KCNN4: variants seen among roughly 807,000 people sequenced by gnomAD.
KCNN4 encodes the protein intermediate conductance calcium-activated potassium channel protein 4.
KCNN4 carries 31 observed loss-of-function variants against 45.2 expected under a neutral mutation model. The ratio of observed to expected loss-of-function variants is 0.69; its 90% CI spans 0.52 to 0.92. The LOEUF is 0.92. Among genes scored for constraint, KCNN4 ranks in the 40% least tolerant of loss-of-function variants. The pLI is 0.00. For missense variants in KCNN4, 463 were observed against 574.0 expected (o/e 0.81, Z 1.98); for synonymous variants, 231 against 254.6 (o/e 0.91, Z 0.88).
rs201564397 is a variant in KCNN4 at position 43,774,467 on chromosome 19, G to A, written c.408C>T (p.Thr136=). The change falls in exon 3 of 9, where the codon ACC becomes ACT. Residue 136 remains threonine, a synonymous_variant. Coordinates refer to ENST00000648319, the MANE Select transcript of KCNN4 (RefSeq NM_002250.3). The surrounding 1 kb of genome is among the most constrained non-coding windows in gnomAD (Gnocchi z 5.6). ...GGAATCCCGGCCAGGGCTGCGGGGA[G>A]GTCAGCGGCGCCCCTAAATCCTGCA... ...PCVQDLGAPL[T]SPQPWPGFLG... 32 of 1,594,704 alleles carry A rather than the reference G, an allele frequency of 2.0e-5. No homozygotes were observed. In the African/African-American group the frequency reaches 3.2e-4, roughly 16 times the overall value.
chr19:43,777,322 TGTGG>T (rs3220029), intron 1 of KCNN4, among the ~76,000 whole-genome samples: 5,035 of 147,896 alleles, frequency 0.034, 153 homozygotes, highest in Admixed American at 0.087. Flanking sequence ...TGTGTGTGTG[TGTGG>T]GTGTGTGTGT....
rs370345820 is a variant in KCNN4 at position 43,773,122 on chromosome 19, C to T, written c.684-987G>A. On this transcript the variant is annotated intron_variant, in intron 3 of 8. Coordinates refer to ENST00000648319, the MANE Select transcript of KCNN4 (RefSeq NM_002250.3). ...AAAACCAGCCTGGGCAACACGGTAACGTGGTCTCTACTAAAAATACAAAAA... is the reference window on the plus strand; with the variant it reads ...AAAACCAGCCTGGGCAACACGGTAATGTGGTCTCTACTAAAAATACAAAAA... Among the ~76,000 whole-genome samples the T allele has an allele frequency of 5.9e-5, 9 of 152,350 alleles. No homozygotes were observed. The East Asian group carries it at 7.7e-4, about 13-fold the overall frequency.
intron 2 of KCNN4, among the ~76,000 whole-genome samples, chr19:43,776,040 A>G (rs745635848): frequency 1.4e-4 from 21 of 147,364 alleles, no homozygotes; most frequent in Non-Finnish European, 3.0e-4. Context: ...AGGCATGAGA[A>G]TTGTTTGAAC....
At position 43,776,735 on chromosome 19, in the gene KCNN4, C is replaced by G. The variant is rs115618336; in HGVS notation, c.160-99G>C. On this transcript the variant is annotated intron_variant, in intron 1 of 8. Coordinates refer to ENST00000648319, the MANE Select transcript of KCNN4 (RefSeq NM_002250.3). ...AACCACCATTTTTTTTTTTTGATTC[C>G]CAATTTTCCTAGCCTCCTTCCCCTG... 5,744 of 751,274 alleles carry G rather than the reference C, an allele frequency of 7.6e-3. 221 individuals carry two copies. In the African/African-American group the frequency reaches 0.084, roughly 11 times the overall value. 46.5% of individuals were successfully genotyped at this position (751,274 alleles called of 1,614,324 possible). A position where few individuals can be genotyped will look rare whatever the true frequency, so the allele number is the denominator to read the frequency against.
intron 1 of KCNN4, among the ~76,000 whole-genome samples, chr19:43,779,167 C>T (rs887773700): frequency 1.3e-5 from 2 of 152,128 alleles, no homozygotes; most frequent in Non-Finnish European, 2.9e-5. Context: ...AGTGGCCTGG[C>T]CATGGTGGAG....
rs1014538993 is a variant in KCNN4 at position 43,780,879 on chromosome 19, G to A, written c.-18C>T. 5 of 1,612,636 alleles carry A rather than the reference G, an allele frequency of 3.1e-6. No homozygotes were observed. Among genetic ancestry groups the A allele is most frequent in the East Asian group, 4.5e-5 (2 of 44,844 alleles). ...CCGCCCATGGCCCCCGGGGTCTTGG[G>A]GCTCAGCCAGCTTCCTGCCCAGGGT... On this transcript the variant is annotated 5_prime_UTR_variant, in exon 1 of 9. Coordinates refer to ENST00000648319, the MANE Select transcript of KCNN4 (RefSeq NM_002250.3).
At chr19:43,776,707 C>T in intron 1 of KCNN4, 71 bp from the exon 2 acceptor site, 2 of 954,246 alleles carry the variant, frequency 2.1e-6, no homozygotes, top group African/African-American at 1.7e-5. Context: ...ACCTTTCCTT[C>T]AAAACCACCA....
Position 43,774,538 on chromosome 19 carries a change from C to G in KCNN4, c.337G>C (p.Val113Leu), listed in dbSNP as rs773260289. ...RQAAQIVLEL[V>L]VCGLHPAPVR... ...GGCGCCGGGTGCAGCCCACACACCA[C>G]CAGCTCCAGCACGATCTGCGCCGCC... Residue 113 changes from valine to leucine, a missense_variant, in exon 3 of 9, where the codon GTG becomes CTG. Physicochemically the swap from Val to Leu is conservative, Grantham distance 32. This residue lies in a region of KCNN4 where 225 missense variants were observed against 240.9 expected (regional missense o/e 0.93). Coordinates refer to ENST00000648319, the MANE Select transcript of KCNN4 (RefSeq NM_002250.3). The surrounding 1 kb of genome is among the most constrained non-coding windows in gnomAD (Gnocchi z 5.6). The G allele has an allele frequency of 1.3e-6, 2 of 1,592,966 alleles. No individual in the cohort carries two copies. The highest frequency in any genetic ancestry group is 3.4e-5 in the Admixed American group (2 of 58,902).
rs574985683 is a variant in KCNN4 at position 43,778,360 on chromosome 19, C to T, written c.160-1724G>A. On this transcript the variant is annotated intron_variant, in intron 1 of 8. Coordinates refer to ENST00000648319, the MANE Select transcript of KCNN4 (RefSeq NM_002250.3). The stretch of plus-strand genomic sequence containing the variant: ...GTTCACACCATTCTCCTGCCTCAGC[C>T]TCCTGAGTAGCTGGGACTACAGGCA... Among the ~76,000 whole-genome samples, 4 of 152,302 alleles carry T rather than the reference C, an allele frequency of 2.6e-5. No individual in the cohort carries two copies. In the South Asian group the frequency reaches 6.2e-4, roughly 24 times the overall value.
chr19:43,769,918 C>G lies in KCNN4; in HGVS notation c.820-89G>C. 1 of 819,678 alleles carries G rather than the reference C, an allele frequency of 1.2e-6. No individual in the cohort carries two copies. Among genetic ancestry groups the G allele is most frequent in the East Asian group, 2.4e-5 (1 of 40,914 alleles). The allele number at this position is 819,678 out of a possible 1,614,324, so 50.8% of individuals were successfully genotyped here. A position where few individuals can be genotyped will look rare whatever the true frequency, so the allele number is the denominator to read the frequency against. ...AACAGCCACAGACGGTAGGCACGAC[C>G]ATCCCCAGTTAGCAGACAAGCAAAG... On this transcript the variant is annotated intron_variant, in intron 4 of 8. Coordinates refer to ENST00000648319, the MANE Select transcript of KCNN4 (RefSeq NM_002250.3). This position sits in a 1 kb window ranked among gnomAD's most constrained non-coding sequence, Gnocchi z 4.4.
rs200491983 is a variant in KCNN4 at position 43,774,535 on chromosome 19, C to A, written c.340G>T (p.Val114Leu). Reference protein sequence around the residue: ...QAAQIVLELVVCGLHPAPVRG... With the variant: ...QAAQIVLELVLCGLHPAPVRG... ...ACGGGCGCCGGGTGCAGCCCACACA[C>A]CACCAGCTCCAGCACGATCTGCGCC... The change falls in exon 3 of 9, where the codon GTG becomes TTG. Residue 114 changes from valine (V) to leucine (L), a missense_variant. Val to Leu is a conservative substitution (Grantham distance 32, BLOSUM62 1). Around this residue, in one of 3 missense-constraint regions of KCNN4, gnomAD observed 225 missense variants for 240.9 expected, o/e 0.93. Coordinates refer to ENST00000648319, the MANE Select transcript of KCNN4 (RefSeq NM_002250.3). The surrounding 1 kb of genome is among the most constrained non-coding windows in gnomAD (Gnocchi z 5.6). The A allele has an allele frequency of 5.0e-5, 80 of 1,593,532 alleles. No individual in the cohort carries two copies. Among genetic ancestry groups the A allele is most frequent in the Non-Finnish European group, 3.7e-5 (43 of 1,175,192 alleles).
At position 43,772,836 on chromosome 19, in the gene KCNN4, C is replaced by T. The variant is rs1669259656; in HGVS notation, c.684-701G>A. ...GAATCTGTACTGTTCACAAACCCCA[C>T]CCCCTCATTCCGAAGTACATTCTAG... is the stretch of plus-strand genomic sequence containing the variant. On this transcript the variant is annotated intron_variant, in intron 3 of 8. Transcript: ENST00000648319. This position sits in a 1 kb window ranked among gnomAD's most constrained non-coding sequence, Gnocchi z 4.4. 1.3e-5 allele frequency among the ~76,000 whole-genome samples: 2 copies of T among 152,178 alleles called. No homozygotes were observed. Among genetic ancestry groups the T allele is most frequent in the African/African-American group, 4.8e-5 (2 of 41,426 alleles).
Position 43,774,608 on chromosome 19 carries a change from G to A in KCNN4, c.267C>T (p.Thr89=). The A allele has an allele frequency of 6.7e-7, 1 of 1,501,106 alleles. No homozygotes were observed. Among genetic ancestry groups the A allele is most frequent in the East Asian group, 2.3e-5 (1 of 43,174 alleles). 93.0% of individuals were successfully genotyped at this position (1,501,106 alleles called of 1,614,324 possible). A position where few individuals can be genotyped will look rare whatever the true frequency, so the allele number is the denominator to read the frequency against. The change falls in exon 3 of 9, where the codon ACC becomes ACT. Residue 89 remains threonine, a synonymous_variant. Transcript: ENST00000648319. The surrounding 1 kb of genome is among the most constrained non-coding windows in gnomAD (Gnocchi z 5.6). ...FHAKEVQLFM[T]DNGLRDWRVA... ...CGCGCCAGTCCCGCAGCCCGTTGTC[G>A]GTCATGAACAGCTGCCGGTAGGGGG... is the stretch of plus-strand genomic sequence containing the variant.
Position 43,774,155 on chromosome 19 carries a change from GT to G in KCNN4, c.683+36del, listed in dbSNP as rs745928441. ...AGGACGGCCGCCGTGGCTGTCCGGG[GT>G]TCCCCCCTGCGCATTTATGCCTCCA... On this transcript the variant is annotated intron_variant, in intron 3 of 8. Transcript: ENST00000648319. The surrounding 1 kb of genome is among the most constrained non-coding windows in gnomAD (Gnocchi z 5.6). 171 of 1,573,638 alleles carry G rather than the reference GT, an allele frequency of 1.1e-4. No homozygotes were observed. The highest frequency in any genetic ancestry group is 1.4e-4 in the Non-Finnish European group (166 of 1,156,506).
In KCNN4 at chr19:43,774,684, C is replaced by T. The variant is rs570227572; in HGVS notation, c.256-65G>A. The stretch of plus-strand genomic sequence containing the variant: ...GTCAGGCGCAGGTCAGGCGGCGGCC[C>T]GCGCCTGCCTGCGCCCTGAGATAAG... On this transcript the variant is annotated intron_variant, in intron 2 of 8. Transcript: ENST00000648319. The surrounding 1 kb of genome is among the most constrained non-coding windows in gnomAD (Gnocchi z 5.6). 88 of 1,374,422 alleles carry T rather than the reference C, an allele frequency of 6.4e-5. No individual in the cohort carries two copies. In the Admixed American group the frequency reaches 2.0e-3, roughly 31 times the overall value. The allele number at this position is 1,374,422 out of a possible 1,614,324, so 85.1% of individuals were successfully genotyped here.
intron 1 of KCNN4, among the ~76,000 whole-genome samples, chr19:43,777,375 C>A (rs1389628828): frequency 1.3e-5 from 2 of 150,234 alleles, no homozygotes; most frequent in Non-Finnish European, 3.0e-5. Flanking sequence ...CTAGAGAGTG[C>A]CCCCTCCCCT....
chr19:43,774,096 T>G lies in KCNN4; in HGVS notation c.683+96A>C, dbSNP rs1599676860. On this transcript the variant is annotated intron_variant, in intron 3 of 8. Transcript: ENST00000648319. This position sits in a 1 kb window ranked among gnomAD's most constrained non-coding sequence, Gnocchi z 5.6. ...CAAAGTGTGAACTTTCTCCACTGCT[T>G]GGTCCTAGGGGGCCTCAACCTGCAC... 1 of 1,277,030 alleles carries G rather than the reference T, an allele frequency of 7.8e-7. No individual in the cohort carries two copies. Among genetic ancestry groups the G allele is most frequent in the Admixed American group, 2.6e-5 (1 of 39,138 alleles). 79.1% of individuals were successfully genotyped at this position (1,277,030 alleles called of 1,614,324 possible).
At chr19:43,779,120 G>A (rs1287692265) in intron 1 of KCNN4, among the ~76,000 whole-genome samples, 2 of 152,198 alleles carry the variant, frequency 1.3e-5, no homozygotes, top group African/African-American at 4.8e-5. Flanking sequence ...GGTTCAGAGG[G>A]TTGTAACAGC....
At chr19:43,771,902 C>T in intron 4 of KCNN4, 98 bp downstream of exon 4, 1 of 1,415,186 alleles carries the variant, frequency 7.1e-7, no homozygotes, top group Non-Finnish European at 9.4e-7. Context: ...GGAGCTGTCC[C>T]TGAGAGCCTG....
Sources: allele counts gnomAD v4.1 joint callset (sites outside exome capture counted in the v4.1 genomes callset), GRCh38; gene constraint gnomAD v4.1.1; regional missense constraint gnomAD v4.1.1; non-coding constraint Gnocchi (gnomAD v3.1); transcripts MANE v1.5; gene names NCBI Gene and HGNC (gene_info 2026-07-23, HGNC 2026-07-21).